Variants in RAB3GAP2 observed in about 807,000 individuals in gnomAD.
RAB3GAP2 encodes the protein rab3 GTPase-activating protein non-catalytic subunit.
A neutral mutation model predicts 185.3 loss-of-function variants in RAB3GAP2; 87 were observed. The ratio of observed to expected loss-of-function variants is 0.47; its 90% CI spans 0.39 to 0.56. The LOEUF (loss-of-function observed/expected upper bound fraction) is 0.56, where lower values mean the gene tolerates loss of function less well. Among genes scored for constraint, RAB3GAP2 ranks in the 20% least tolerant of loss-of-function variants. RAB3GAP2 has a pLI of 0.00. For synonymous variants in RAB3GAP2, 554 were observed against 576.1 expected, an observed-to-expected ratio of 0.96 and a Z score of 0.55; for missense variants, 1,492 against 1,638.2, an observed-to-expected ratio of 0.91 and a Z score of 1.54.
chr1:220,184,741 T>C (rs1008173475), intron 18 of RAB3GAP2, among the ~76,000 whole-genome samples: 13 of 152,254 alleles, frequency 8.5e-5, no homozygotes, highest in South Asian at 2.1e-4. Flanking sequence ...CAGTGGAAGA[T>C]AACTTTTCAT....
chr1:220,230,829 C>T lies in RAB3GAP2; in HGVS notation c.180+1970G>A, dbSNP rs117571906. Reference sequence around the variant, plus strand: ...ATCGTGTTTTATCTATTTCACACCACACCCCAGATCAAAGAATTTATTATT... The same window carrying T: ...ATCGTGTTTTATCTATTTCACACCATACCCCAGATCAAAGAATTTATTATT... On this transcript the variant is annotated intron_variant, in intron 2 of 34. Transcript: ENST00000358951. Among the ~76,000 whole-genome samples, 252 of 152,298 alleles carry T rather than the reference C, an allele frequency of 1.7e-3. 5 individuals are homozygous for T. In the East Asian group the frequency reaches 0.043, roughly 26 times the overall value.
rs148886986 is a variant in RAB3GAP2 at position 220,195,391 on chromosome 1, C to G, written c.961-14G>C. ...TTGTGTGCTTCCCTGAAAAACAGAA[C>G]ATTTGAAAGAGAAAACTTAGTAGCT... On this transcript the variant is annotated splice_polypyrimidine_tract_variant and intron_variant, in intron 10 of 34. Coordinates refer to ENST00000358951, the MANE Select transcript of RAB3GAP2 (RefSeq NM_012414.4). 1 of 1,598,380 alleles carries G rather than the reference C, an allele frequency of 6.3e-7. No homozygotes were observed. The highest frequency in any genetic ancestry group is 8.6e-7 in the Non-Finnish European group (1 of 1,166,470).
At chr1:220,219,863 G>A (rs1386912311) in intron 2 of RAB3GAP2, among the ~76,000 whole-genome samples, 5 of 152,154 alleles carry the variant, frequency 3.3e-5, no homozygotes, top group Non-Finnish European at 7.4e-5. Context: ...AAATAGGGCT[G>A]TAAACAACAA....
chr1:220,175,277 A>G (rs982739070), intron 21 of RAB3GAP2, among the ~76,000 whole-genome samples: 1 of 151,456 alleles, frequency 6.6e-6, no homozygotes, highest in African/African-American at 2.4e-5. Flanking sequence ...TTTAGGTTGG[A>G]GTGCAGTGGC....
At position 220,182,330 on chromosome 1, in the gene RAB3GAP2, A is replaced by G; in HGVS notation, c.2237T>C (p.Leu746Ser). Residue 746 changes from leucine (L) to serine (S), a missense_variant, in exon 21 of 35, where the codon TTG becomes TCG. Coordinates refer to ENST00000358951, the MANE Select transcript of RAB3GAP2 (RefSeq NM_012414.4). ...ATCCTCAGTGGAGCTTTCTCCATGC[A>G]AACACTTCCAAAAAAAGAAACTACC... The part of the protein sequence containing the change: ...ALGSFFFWKC[L>S]HGESSTEDMC... 1 of 1,614,144 alleles carries G rather than the reference A, an allele frequency of 6.2e-7. No homozygotes were observed. The highest frequency in any genetic ancestry group is 8.5e-7 in the Non-Finnish European group (1 of 1,179,986).
chr1:220,270,227 C>T (rs1660310264), intron 1 of RAB3GAP2, among the ~76,000 whole-genome samples: 1 of 152,224 alleles, frequency 6.6e-6, no homozygotes, highest in South Asian at 2.1e-4. Flanking sequence ...CTTTCTTTTA[C>T]TCCTTCTCAG....
At chr1:220,243,363 A>G (rs1659735292) in intron 1 of RAB3GAP2, among the ~76,000 whole-genome samples, 1 of 152,062 alleles carries the variant, frequency 6.6e-6, no homozygotes. Flanking sequence ...CAAAAAAAAA[A>G]AAAAAAACAT....
chr1:220,165,962 CTTT>C (rs926711221), intron 26 of RAB3GAP2, among the ~76,000 whole-genome samples: 1 of 152,106 alleles, frequency 6.6e-6, no homozygotes, highest in Non-Finnish European at 1.5e-5. Context: ...TTAAATGCCA[CTTT>C]TTTAGACTTG....
chr1:220,243,827 CTA>C (rs1342648784), intron 1 of RAB3GAP2, among the ~76,000 whole-genome samples: 2 of 152,176 alleles, frequency 1.3e-5, no homozygotes, highest in African/African-American at 4.8e-5. Flanking sequence ...TGCCCAAAGT[CTA>C]TTTACAAATA....
intron 21 of RAB3GAP2, among the ~76,000 whole-genome samples, chr1:220,174,668 T>A (rs1658253639): frequency 6.6e-6 from 1 of 152,206 alleles, no homozygotes; most frequent in African/African-American, 2.4e-5. Flanking sequence ...AAAACAAATA[T>A]ATCTTCCATG....
At chr1:220,195,005 G>T in intron 12 of RAB3GAP2, 73 bp downstream of exon 12, 1 of 1,402,810 alleles carries the variant, frequency 7.1e-7, no homozygotes, top group Non-Finnish European at 1.0e-6. Flanking sequence ...AATCAACCAA[G>T]CACACGGAAA....
intron 28 of RAB3GAP2, among the ~76,000 whole-genome samples, 195 bp downstream of exon 28, chr1:220,162,003 T>G (rs1483151715): frequency 1.3e-5 from 2 of 152,214 alleles, no homozygotes; most frequent in East Asian, 1.9e-4. Flanking sequence ...TATATTAGTC[T>G]CTTTATGAGG....
At chr1:220,206,207 C>T (rs1390569239) in intron 7 of RAB3GAP2, among the ~76,000 whole-genome samples, 1 of 152,020 alleles carries the variant, frequency 6.6e-6, no homozygotes, top group African/African-American at 2.4e-5. Flanking sequence ...CAAATATAAC[C>T]TTTTGTGTAT....
At position 220,210,432 on chromosome 1, in the gene RAB3GAP2, A is replaced by C. The variant is rs777263280; in HGVS notation, c.568T>G (p.Cys190Gly). Residue 190 changes from cysteine to glycine, a missense_variant, in exon 7 of 35, where the codon TGC (cysteine) becomes GGC (glycine). By Grantham distance (159) the Cys-to-Gly change is radical. Transcript: ENST00000358951. ...LNEDPVLQLK[C>G]RTYEIPRHPG... ...TGTCGTGGTATTTCATAGGTTCTGC[A>C]TTTAAGTTGAAGTACTGGGTCCTCA... 8 of 1,614,000 alleles carry C rather than the reference A, an allele frequency of 5.0e-6. No individual in the cohort carries two copies. The East Asian group carries it at 1.6e-4, about 31-fold the overall frequency.
intron 12 of RAB3GAP2, among the ~76,000 whole-genome samples, chr1:220,193,729 T>G (rs887536290): frequency 6.6e-6 from 1 of 152,212 alleles, no homozygotes; most frequent in African/African-American, 2.4e-5. Context: ...ATCTTTTGTC[T>G]ATTTTAAATT....
chr1:220,154,106 G>A (rs763444408), intron 31 of RAB3GAP2, 49 bp from the exon 32 acceptor site: 24 of 1,604,956 alleles, frequency 1.5e-5, no homozygotes, highest in Non-Finnish European at 2.0e-5. Flanking sequence ...TTATTAAGGG[G>A]GGAGAGGGAG....
At chr1:220,163,746 T>TACATAC (rs1010411549) in intron 27 of RAB3GAP2, among the ~76,000 whole-genome samples, 3 of 109,996 alleles carry the variant, frequency 2.7e-5, no homozygotes, top group Admixed American at 8.3e-5. Flanking sequence ...AATACATACA[T>TACATAC]ATATATATAT....
In RAB3GAP2 at chr1:220,157,875, T is replaced by C. The variant is rs1657888126; in HGVS notation, c.3263A>G (p.Asp1088Gly). ...CATTGCTGTGTCACTCATTCCCACA[T>C]CCTGTTTTTTAAAAAGGAACGTAAT... ...KSPKDRLCRR[D>G]VGMSDTAMTS... The change falls in exon 30 of 35, where the codon GAT (aspartate) becomes GGT (glycine). Residue 1088 changes from aspartate (D) to glycine (G), a missense_variant and splice_region_variant. Physicochemically the swap from Asp to Gly is moderately conservative, Grantham distance 94. This residue lies in a region of RAB3GAP2 where 387 missense variants were observed against 455.3 expected (regional missense o/e 0.85). Transcript: ENST00000358951. 1.2e-6 allele frequency: 2 copies of C among 1,612,620 alleles called. No individual in the cohort carries two copies. Among genetic ancestry groups the C allele is most frequent in the African/African-American group, 2.7e-5 (2 of 75,022 alleles).
At chr1:220,231,828 C>T (rs1439599672) in intron 2 of RAB3GAP2, among the ~76,000 whole-genome samples, 1 of 152,220 alleles carries the variant, frequency 6.6e-6, no homozygotes, top group African/African-American at 2.4e-5. Context: ...ATGTTGTCCA[C>T]ACTACATCTG....
Sources: allele counts gnomAD v4.1 joint callset (sites outside exome capture counted in the v4.1 genomes callset), GRCh38; gene constraint gnomAD v4.1.1; regional missense constraint gnomAD v4.1.1; transcripts MANE v1.5; gene names NCBI Gene and HGNC (gene_info 2026-07-23, HGNC 2026-07-21).